RSBN1L: variants seen among roughly 807,000 people sequenced by gnomAD.
RSBN1L encodes the protein lysine-specific demethylase RSBN1L.
Under a neutral mutation model 67.7 loss-of-function variants are expected in RSBN1L, and 30 were observed. That is an observed-to-expected ratio of 0.44 (90% CI 0.33 to 0.60). RSBN1L has a LOEUF of 0.60. Ranked by LOEUF, RSBN1L falls within the 20% of genes least tolerant of loss-of-function variation. RSBN1L has a pLI of 0.02. For missense variants in RSBN1L, 992 were observed against 1,031.7 expected, an observed-to-expected ratio of 0.96 and a Z score of 0.53; for synonymous variants, 433 against 387.0, an observed-to-expected ratio of 1.12 and a Z score of -1.39.
intron 2 of RSBN1L, among the ~76,000 whole-genome samples, chr7:77,744,283 G>A (rs184445495): frequency 6.6e-6 from 1 of 152,222 alleles, no homozygotes; most frequent in East Asian, 1.9e-4. Context: ...TGATCCTCCT[G>A]CCTTGCCCTC....
chr7:77,732,786 G>A (rs896773708), intron 1 of RSBN1L, among the ~76,000 whole-genome samples: 6 of 152,120 alleles, frequency 3.9e-5, no homozygotes, highest in Non-Finnish European at 7.3e-5. Context: ...CATTTGGAAG[G>A]CTTTTATCTT....
chr7:77,704,278 A>T (rs1204504924), intron 1 of RSBN1L, among the ~76,000 whole-genome samples: 1 of 152,254 alleles, frequency 6.6e-6, no homozygotes, highest in African/African-American at 2.4e-5. Context: ...AATAAATCTC[A>T]TTAATTTTTC....
At chr7:77,734,051 G>A (rs1032716790) in intron 1 of RSBN1L, among the ~76,000 whole-genome samples, 11 of 152,146 alleles carry the variant, frequency 7.2e-5, no homozygotes, top group African/African-American at 1.2e-4. Context: ...GCTTCAACCC[G>A]GGAGGTGGAG....
At chr7:77,704,299 A>G (rs926046270) in intron 1 of RSBN1L, among the ~76,000 whole-genome samples, 16 of 152,352 alleles carry the variant, frequency 1.1e-4, no homozygotes, top group Non-Finnish European at 1.5e-4. Context: ...ACCAATCTCA[A>G]ATGAATTAAA....
At chr7:77,740,506 A>G (rs1791393853) in intron 2 of RSBN1L, among the ~76,000 whole-genome samples, 1 of 152,218 alleles carries the variant, frequency 6.6e-6, no homozygotes, top group Non-Finnish European at 1.5e-5. Flanking sequence ...GTGCAAAAAA[A>G]GCAGATTCGA....
rs769699798 is a variant in RSBN1L at position 77,696,504 on chromosome 7, C to G, written c.35C>G (p.Ala12Gly). 1.9e-6 allele frequency: 3 copies of G among 1,613,274 alleles called. No individual in the cohort carries two copies. The highest frequency in any genetic ancestry group is 1.7e-5 in the Admixed American group (1 of 59,986). The part of the protein sequence containing the change: ...AEPPSPVHCV[A>G]AAAPTATVSE... ...CCGCCGAGCCCCGTGCACTGTGTCG[C>G]TGCCGCGGCCCCCACCGCCACCGTC... Residue 12 changes from alanine (A) to glycine (G), a missense_variant, in exon 1 of 8, where the codon GCT (alanine) becomes GGT (glycine). This residue lies in a region of RSBN1L where 575 missense variants were observed against 483.2 expected (regional missense o/e 1.19). Coordinates refer to ENST00000334955, the MANE Select transcript of RSBN1L (RefSeq NM_198467.3).
intron 1 of RSBN1L, among the ~76,000 whole-genome samples, chr7:77,730,696 T>C (rs1791262081): frequency 6.6e-6 from 1 of 152,234 alleles, no homozygotes; most frequent in Non-Finnish European, 1.5e-5. Context: ...TGCATTTACA[T>C]TTCCTCCATG....
At chr7:77,719,623 T>C (rs995320011) in intron 1 of RSBN1L, among the ~76,000 whole-genome samples, 5 of 152,212 alleles carry the variant, frequency 3.3e-5, no homozygotes, top group Admixed American at 2.0e-4. Context: ...TTTTATAATA[T>C]GTTGAGAACA....
intron 1 of RSBN1L, among the ~76,000 whole-genome samples, chr7:77,712,907 C>T (rs1484246474): frequency 6.6e-6 from 1 of 152,108 alleles, no homozygotes; most frequent in African/African-American, 2.4e-5. Context: ...AAGATACATA[C>T]ACTTTAAATT....
chr7:77,704,983 A>T (rs1385180085), intron 1 of RSBN1L, among the ~76,000 whole-genome samples: 3 of 107,498 alleles, frequency 2.8e-5, no homozygotes, highest in Non-Finnish European at 1.8e-5. Flanking sequence ...GTCTCAAAAA[A>T]AAAAAAGTTG....
chr7:77,735,316 A>T (rs1454131458), intron 1 of RSBN1L, among the ~76,000 whole-genome samples: 2 of 152,216 alleles, frequency 1.3e-5, no homozygotes, highest in East Asian at 1.9e-4. Context: ...TTGAAATCTT[A>T]TGAAAAAATG....
chr7:77,770,618 C>A lies in RSBN1L; in HGVS notation c.1625+1815C>A, dbSNP rs1295556750. 2.6e-5 allele frequency among the ~76,000 whole-genome samples: 4 copies of A among 151,068 alleles called. No individual in the cohort carries two copies. In the East Asian group the frequency reaches 7.8e-4, roughly 30 times the overall value. On this transcript the variant is annotated intron_variant, in intron 5 of 7. Transcript: ENST00000334955. ...GCTGCTTGAGCCCAGGAGTTTGAGG[C>A]TGCAGTAAGCTATGAGTACATCACT...
chr7:77,768,571 G>A (rs959705258), intron 4 of RSBN1L, 90 bp from the exon 5 acceptor site: 26 of 1,090,724 alleles, frequency 2.4e-5, no homozygotes, highest in Non-Finnish European at 3.5e-5. Flanking sequence ...GTATGAAAGT[G>A]TGTTTGTCAG....
At chr7:77,738,879 C>T (rs1339348553) in intron 2 of RSBN1L, among the ~76,000 whole-genome samples, 17 of 152,052 alleles carry the variant, frequency 1.1e-4, no homozygotes, top group Admixed American at 8.5e-4. Context: ...GCGGAGGTTG[C>T]GGTGAGCCAA....
In RSBN1L at chr7:77,729,704, G is replaced by A. The variant is rs527571346; in HGVS notation, c.587-6706G>A. ...GCAGTGGCTCACCACTGTAATCCCA[G>A]CACTTTGGGAGGCTGAGGGTAGGTG... On this transcript the variant is annotated intron_variant, in intron 1 of 7. Transcript: ENST00000334955. Among the ~76,000 whole-genome samples the A allele has an allele frequency of 2.0e-5, 3 of 152,316 alleles. No homozygotes were observed. In the East Asian group the frequency reaches 5.8e-4, roughly 29 times the overall value.
intron 1 of RSBN1L, among the ~76,000 whole-genome samples, chr7:77,700,300 G>A (rs1350338026): frequency 1.3e-5 from 2 of 152,156 alleles, no homozygotes; most frequent in African/African-American, 4.8e-5. Context: ...TTAGCTGTCA[G>A]TGTGCCTTCA....
At chr7:77,740,067 G>A (rs986728393) in intron 2 of RSBN1L, among the ~76,000 whole-genome samples, 1 of 151,712 alleles carries the variant, frequency 6.6e-6, no homozygotes, top group Non-Finnish European at 1.5e-5. Context: ...AGTTTTTTCT[G>A]ACTGGAAATA....
At chr7:77,770,264 A>G (rs1027209531) in intron 5 of RSBN1L, among the ~76,000 whole-genome samples, 4 of 152,162 alleles carry the variant, frequency 2.6e-5, no homozygotes, top group African/African-American at 7.2e-5. Flanking sequence ...AATCCCAGCT[A>G]TTCAGGAGGC....
chr7:77,697,194 A>G (rs1414414818), intron 1 of RSBN1L, 139 bp downstream of exon 1: 1 of 1,008,366 alleles, frequency 9.9e-7, no homozygotes. Flanking sequence ...GGTTTTCAGC[A>G]GAGGATTTTG....
Sources: allele counts gnomAD v4.1 joint callset (sites outside exome capture counted in the v4.1 genomes callset), GRCh38; gene constraint gnomAD v4.1.1; regional missense constraint gnomAD v4.1.1; transcripts MANE v1.5; gene names NCBI Gene and HGNC (gene_info 2026-07-23, HGNC 2026-07-21).